The following ZBTB20 variants were observed in gnomAD, a reference collection of about 807,000 sequenced individuals.
ZBTB20 encodes zinc finger and BTB domain containing 20.
A neutral mutation model predicts 56.9 loss-of-function variants in ZBTB20; 9 were observed. That is an observed-to-expected ratio of 0.16 (90% confidence interval 0.10 to 0.28). ZBTB20 has a LOEUF of 0.28. ZBTB20 is among the 10% of genes least tolerant of loss of function. ZBTB20 has a pLI of 1.00. For missense variants in ZBTB20, 655 were observed against 1,003.0 expected, an observed-to-expected ratio of 0.65 and a Z score of 4.69; for synonymous variants, 417 against 420.7, an observed-to-expected ratio of 0.99 and a Z score of 0.11.
chr3:114,684,170 G>A (rs895964248), intron 6 of ZBTB20, among the ~76,000 whole-genome samples: 1 of 152,186 alleles, frequency 6.6e-6, no homozygotes, highest in African/African-American at 2.4e-5. Context: ...ATTTTTAGCA[G>A]TGCTTCTGAA....
At position 114,332,058 on chromosome 3, in the gene ZBTB20, G is replaced by GTTTTTTT. The variant is rs71146316; in HGVS notation, c.*6940_*6946dup. On this transcript the variant is annotated 3_prime_UTR_variant, in exon 12 of 12. Transcript: ENST00000675478. ...ACTAGTAGAAACAGATGCCCCCAAG[G>GTTTTTTT]TTTTTTTTTTTTTTTTTTTTTTTTT... 1.3e-4 allele frequency: 11 copies of GTTTTTTT among 85,400 alleles called. No homozygotes were observed. The highest frequency in any genetic ancestry group is 1.7e-4 in the African/African-American group (4 of 22,970). The allele number at this position is 85,400 out of a possible 1,614,324, so 5.3% of individuals were successfully genotyped here. A position where few individuals can be genotyped will look rare whatever the true frequency, so the allele number is the denominator to read the frequency against.
At chr3:115,007,370 A>G (rs963594342) in intron 2 of ZBTB20, among the ~76,000 whole-genome samples, 1 of 151,808 alleles carries the variant, frequency 6.6e-6, no homozygotes, top group Non-Finnish European at 1.5e-5. Flanking sequence ...GAGAAAAAAC[A>G]GAAATTAGAG....
chr3:115,071,912 G>T (rs1342294064), intron 1 of ZBTB20, among the ~76,000 whole-genome samples: 2 of 152,162 alleles, frequency 1.3e-5, no homozygotes, highest in Admixed American at 6.5e-5. Flanking sequence ...ACAGGGTTTA[G>T]CTTGCAGCTG....
rs2079210812 is a variant in ZBTB20 at position 114,330,502 on chromosome 3, A to T, written c.*8503T>A. ...TAAATAGTAACTCATATTCTTTCAC[A>T]AAGTCACTAGTACTGTTAATTAAAG... is the stretch of plus-strand genomic sequence containing the variant. On this transcript the variant is annotated 3_prime_UTR_variant, in exon 12 of 12. Transcript: ENST00000675478. 6.6e-6 allele frequency: 1 copy of T among 152,218 alleles called. No individual in the cohort carries two copies. Among genetic ancestry groups the T allele is most frequent in the African/African-American group, 2.4e-5 (1 of 41,438 alleles). 9.4% of individuals were successfully genotyped at this position (152,218 alleles called of 1,614,324 possible).
At chr3:114,509,598 A>G (rs2045091499) in intron 6 of ZBTB20, among the ~76,000 whole-genome samples, 1 of 152,150 alleles carries the variant, frequency 6.6e-6, no homozygotes, top group Non-Finnish European at 1.5e-5. Flanking sequence ...ATACGTGCAC[A>G]CACACATATT....
chr3:114,327,433 AG>A lies in ZBTB20; in HGVS notation c.*11571del, dbSNP rs1451433498. On this transcript the variant is annotated 3_prime_UTR_variant, in exon 12 of 12. Transcript: ENST00000675478. ...CTAAGGAGAGGATTACTTTAGATAA[AG>A]AGTACTTTAAGAAAAAAAAAATACC... The A allele has an allele frequency of 6.6e-6, 1 of 152,156 alleles. No homozygotes were observed. Among genetic ancestry groups the A allele is most frequent in the East Asian group, 1.9e-4 (1 of 5,182 alleles). 9.4% of individuals were successfully genotyped at this position (152,156 alleles called of 1,614,324 possible).
At chr3:114,648,341 C>T (rs2059956730) in intron 6 of ZBTB20, among the ~76,000 whole-genome samples, 1 of 151,828 alleles carries the variant, frequency 6.6e-6, no homozygotes, top group South Asian at 2.1e-4. Context: ...ATTTTATATA[C>T]ATTCTTAAAA....
chr3:114,921,722 G>C (rs538198453), intron 3 of ZBTB20, among the ~76,000 whole-genome samples: 53 of 120,490 alleles, frequency 4.4e-4, no homozygotes, highest in Non-Finnish European at 6.3e-4. Context: ...TTTGGGGTGG[G>C]GGGAGGGGGG....
intron 2 of ZBTB20, among the ~76,000 whole-genome samples, chr3:115,052,614 G>A (rs1034956126): frequency 6.6e-6 from 1 of 152,084 alleles, no homozygotes; most frequent in Non-Finnish European, 1.5e-5. Flanking sequence ...TCTTGTTCAG[G>A]AAGAAGCTTG....
At chr3:114,719,183 G>A (rs2064727673) in intron 5 of ZBTB20, among the ~76,000 whole-genome samples, 1 of 146,784 alleles carries the variant, frequency 6.8e-6, no homozygotes, top group South Asian at 2.3e-4. Flanking sequence ...AAGTCCAGGG[G>A]GTTGTGCAGG....
chr3:114,673,713 G>A (rs1002137626), intron 6 of ZBTB20, among the ~76,000 whole-genome samples: 11 of 152,134 alleles, frequency 7.2e-5, no homozygotes, highest in African/African-American at 2.7e-4. Flanking sequence ...CTGAGGTTTT[G>A]TACACTTTGG....
intron 10 of ZBTB20, among the ~76,000 whole-genome samples, chr3:114,354,252 T>C (rs1043458885): frequency 6.6e-6 from 1 of 152,280 alleles, no homozygotes; most frequent in Admixed American, 6.5e-5. Flanking sequence ...GTCTCTTTCA[T>C]TTAAGTAAAA....
At chr3:115,028,313 G>A (rs1250601534) in intron 2 of ZBTB20, among the ~76,000 whole-genome samples, 1 of 150,732 alleles carries the variant, frequency 6.6e-6, no homozygotes, top group Non-Finnish European at 1.5e-5. Flanking sequence ...GGAGGCTACT[G>A]AGCACTGTTA....
intron 6 of ZBTB20, among the ~76,000 whole-genome samples, chr3:114,591,836 C>A (rs541965659): frequency 2.0e-5 from 3 of 152,226 alleles, no homozygotes; most frequent in East Asian, 3.9e-4. Context: ...GGACACTGTA[C>A]GTAAAAGCAT....
intron 6 of ZBTB20, among the ~76,000 whole-genome samples, chr3:114,633,638 C>G (rs563572423): frequency 6.6e-6 from 1 of 152,134 alleles, no homozygotes; most frequent in African/African-American, 2.4e-5. Flanking sequence ...CCAGAAAAAT[C>G]AGGGTCCAGT....
intron 3 of ZBTB20, among the ~76,000 whole-genome samples, chr3:114,951,984 A>G (rs1340594222): frequency 1.3e-5 from 2 of 152,134 alleles, no homozygotes; most frequent in Admixed American, 6.6e-5. Flanking sequence ...GATAATACAG[A>G]AAACAGTCAA....
intron 1 of ZBTB20, among the ~76,000 whole-genome samples, chr3:115,111,739 A>C (rs2083889012): frequency 6.6e-6 from 1 of 152,224 alleles, no homozygotes; most frequent in African/African-American, 2.4e-5. Context: ...TATAGAAATA[A>C]ATAATAAATT....
At chr3:114,957,568 A>C (rs2077290934) in intron 3 of ZBTB20, among the ~76,000 whole-genome samples, 1 of 152,182 alleles carries the variant, frequency 6.6e-6, no homozygotes, top group Non-Finnish European at 1.5e-5. Context: ...CAGAAACACT[A>C]TTGGCTTTGT....
intron 6 of ZBTB20, among the ~76,000 whole-genome samples, chr3:114,648,146 C>T (rs1296193): frequency 0.3 from 44,871 of 151,440 alleles, 9,362 homozygotes; most frequent in African/African-American, 0.59. Context: ...TATTACTCAT[C>T]AATAAAAAAT....
Sources: allele counts gnomAD v4.1 joint callset (sites outside exome capture counted in the v4.1 genomes callset), GRCh38; gene constraint gnomAD v4.1.1; transcripts MANE v1.5; gene names NCBI Gene and HGNC (gene_info 2026-07-23, HGNC 2026-07-21).